The following BMPR1A variants were observed in gnomAD, a reference collection of about 807,000 sequenced individuals.
BMPR1A encodes the protein bone morphogenetic protein receptor type 1A.
In BMPR1A, 7 loss-of-function variants were observed where a neutral mutation model predicts 66.0. That is an observed-to-expected ratio of 0.11 (90% CI 0.06 to 0.20). The LOEUF (loss-of-function observed/expected upper bound fraction) is 0.20, where lower values mean the gene tolerates loss of function less well. BMPR1A is among the 10% of genes least tolerant of loss of function. The probability of loss-of-function intolerance (pLI) is 1.00; values close to 1 mark genes in which losing one functional copy is unlikely to be tolerated. For synonymous variants in BMPR1A, 200 were observed against 229.7 expected (o/e 0.87, Z 1.17); for missense variants, 408 against 669.1 (o/e 0.61, Z 4.31).
intron 1 of BMPR1A, among the ~76,000 whole-genome samples, chr10:86,824,081 T>TGTGTGTGTGTGTGTG (rs1842157809): frequency 4.3e-5 from 4 of 94,036 alleles, no homozygotes; most frequent in African/African-American, 1.2e-4. Context: ...TTACCAAGGG[T>TGTGTGTGTGTGTGTG]TGTGTGTGTG....
In BMPR1A at chr10:86,917,226, A is replaced by G. The variant is rs1422412758; in HGVS notation, c.768A>G (p.Glu256=). Residue 256 remains glutamate, a synonymous_variant, in exon 9 of 13, where the codon GAA becomes GAG. Transcript: ENST00000372037. ...GEVWMGKWRG[E]KVAVKVFFTT... ...TATGGATGGGCAAATGGCGTGGCGA[A>G]AAAGTGGCGGTGAAAGTATTCTTTA... 1 of 1,614,102 alleles carries G rather than the reference A, an allele frequency of 6.2e-7. No individual in the cohort carries two copies. The highest frequency in any genetic ancestry group is 2.2e-5 in the East Asian group (1 of 44,878).
intron 1 of BMPR1A, among the ~76,000 whole-genome samples, chr10:86,810,583 TA>T (rs1176224241): frequency 2.0e-5 from 3 of 152,244 alleles, no homozygotes; most frequent in African/African-American, 7.2e-5. Context: ...CATTTGTTAT[TA>T]TTTTTTTATT....
chr10:86,824,126 AC>A (rs1039524113), intron 1 of BMPR1A, among the ~76,000 whole-genome samples: 1 of 72,984 alleles, frequency 1.4e-5, no homozygotes, highest in Non-Finnish European at 2.8e-5. Flanking sequence ...TTTCAGTCTC[AC>A]TTGTCTGTCG....
At chr10:86,842,951 A>G (rs1194919751) in intron 2 of BMPR1A, among the ~76,000 whole-genome samples, 1 of 152,166 alleles carries the variant, frequency 6.6e-6, no homozygotes, top group Non-Finnish European at 1.5e-5. Flanking sequence ...GAATTATGGG[A>G]GCTACAATTC....
At chr10:86,761,421 G>T (rs958685776) in intron 1 of BMPR1A, among the ~76,000 whole-genome samples, 14 of 152,238 alleles carry the variant, frequency 9.2e-5, no homozygotes, top group African/African-American at 3.4e-4. Flanking sequence ...TATGAAGGAG[G>T]ACAGGAGTAT....
chr10:86,856,006 G>T, intron 2 of BMPR1A: 1 of 623,502 alleles, frequency 1.6e-6, no homozygotes. Flanking sequence ...TGAAAATCTG[G>T]ATGCCTCTCA....
chr10:86,802,038 C>G (rs1447683818), intron 1 of BMPR1A, among the ~76,000 whole-genome samples: 1 of 152,076 alleles, frequency 6.6e-6, no homozygotes, highest in African/African-American at 2.4e-5. Context: ...ATTCTCTTGT[C>G]CACCACAGTT....
intron 7 of BMPR1A, among the ~76,000 whole-genome samples, chr10:86,903,834 C>T (rs753042762): frequency 2.0e-5 from 3 of 152,078 alleles, no homozygotes; most frequent in Non-Finnish European, 4.4e-5. Flanking sequence ...TCTCGATCTC[C>T]TGACCTCATG....
chr10:86,921,117 G>A (rs765734974), intron 10 of BMPR1A, among the ~76,000 whole-genome samples: 1 of 152,096 alleles, frequency 6.6e-6, no homozygotes, highest in Non-Finnish European at 1.5e-5. Flanking sequence ...GCCTCCCAAA[G>A]TGCTGAGATT....
rs570192227 is a variant in BMPR1A, at chr10:86,821,716, C to T, written c.-267-17149C>T. Among the ~76,000 whole-genome samples the T allele has an allele frequency of 2.0e-5, 3 of 152,286 alleles. No homozygotes were observed. The East Asian group carries it at 5.8e-4, about 29-fold the overall frequency. On this transcript the variant is annotated intron_variant, in intron 1 of 12. Coordinates refer to ENST00000372037, the MANE Select transcript of BMPR1A (RefSeq NM_004329.3). Reference sequence around the variant, plus strand: ...TGTTGTTACCTCTCTCTTGCCAAAACGTTGACTTGATGATAAGGGGATCAC... The same window carrying T: ...TGTTGTTACCTCTCTCTTGCCAAAATGTTGACTTGATGATAAGGGGATCAC...
intron 2 of BMPR1A, among the ~76,000 whole-genome samples, chr10:86,852,573 A>G (rs1842585831): frequency 1.3e-5 from 2 of 152,198 alleles, no homozygotes; most frequent in Admixed American, 1.3e-4. Context: ...ATTTCAAAGA[A>G]AAAGAAACTT....
At chr10:86,911,428 C>G (rs1032942654) in intron 7 of BMPR1A, among the ~76,000 whole-genome samples, 2 of 152,190 alleles carry the variant, frequency 1.3e-5, no homozygotes, top group South Asian at 4.1e-4. Flanking sequence ...TCAGGGAACA[C>G]TTCAATTGAA....
chr10:86,905,253 G>A (rs991978878), intron 7 of BMPR1A, among the ~76,000 whole-genome samples: 10 of 152,146 alleles, frequency 6.6e-5, no homozygotes, highest in Non-Finnish European at 1.2e-4. Flanking sequence ...CTCCACTGTG[G>A]ACGAGGCATC....
intron 1 of BMPR1A, among the ~76,000 whole-genome samples, chr10:86,838,374 A>G (rs1245509182): frequency 6.6e-6 from 1 of 152,222 alleles, no homozygotes; most frequent in Non-Finnish European, 1.5e-5. Context: ...AACCAGTGCA[A>G]TTAATTCTTC....
At position 86,852,450 on chromosome 10, in the gene BMPR1A, C is replaced by A. The variant is rs570782892; in HGVS notation, c.-153+13471C>A. The stretch of plus-strand genomic sequence containing the variant: ...CCGGCACAGTGGTGTCCCCCTGTAG[C>A]CCCTACTCAGAAAGCTGAGATGGGA... On this transcript the variant is annotated intron_variant, in intron 2 of 12. Transcript: ENST00000372037. 1.3e-4 allele frequency among the ~76,000 whole-genome samples: 20 copies of A among 152,234 alleles called. No individual in the cohort carries two copies. In the South Asian group the frequency reaches 4.2e-3, roughly 32 times the overall value.
chr10:86,837,693 A>G (rs1021415248), intron 1 of BMPR1A, among the ~76,000 whole-genome samples: 2 of 152,194 alleles, frequency 1.3e-5, no homozygotes, highest in African/African-American at 4.8e-5. Context: ...TAGTCATATG[A>G]GGACTCTGAA....
chr10:86,815,020 G>A (rs1335124878), intron 1 of BMPR1A, among the ~76,000 whole-genome samples: 1 of 152,096 alleles, frequency 6.6e-6, no homozygotes, highest in Non-Finnish European at 1.5e-5. Flanking sequence ...TCCTGACCTC[G>A]TGGTCTGCCG....
chr10:86,868,421 A>T (rs1842810487), intron 2 of BMPR1A, among the ~76,000 whole-genome samples: 1 of 151,398 alleles, frequency 6.6e-6, no homozygotes, highest in Admixed American at 6.6e-5. Context: ...ACGGGAAGGA[A>T]TGGATGAGTT....
intron 2 of BMPR1A, chr10:86,855,796 T>A: frequency 8.7e-7 from 1 of 1,143,422 alleles, no homozygotes; most frequent in Non-Finnish European, 1.2e-6. Context: ...TTGAATTTGG[T>A]CTGTTTCCTG....
Sources: gnomAD v4.1 joint callset for allele counts (sites outside exome capture counted in the v4.1 genomes callset) on GRCh38, gnomAD v4.1.1 for gene constraint, MANE v1.5 for transcripts, NCBI Gene and HGNC (gene_info 2026-07-23, HGNC 2026-07-21) for gene names.